Variants in ATP2C1 observed in about 807,000 individuals in gnomAD.
ATP2C1 encodes ATPase secretory pathway Ca2+ transporting 1.
Under a neutral mutation model 120.5 loss-of-function variants are expected in ATP2C1, and 31 were observed. That is an observed-to-expected ratio of 0.26 (90% CI 0.19 to 0.35). The LOEUF is 0.35. ATP2C1 is among the 10% of genes least tolerant of loss of function. The pLI is 1.00. For synonymous variants in ATP2C1, 351 were observed against 358.7 expected (o/e 0.98, Z 0.24); for missense variants, 731 against 1,107.5 (o/e 0.66, Z 4.83).
chr3:130,865,952 G>A (rs1306585598), intron 1 of ATP2C1, among the ~76,000 whole-genome samples: 6 of 151,882 alleles, frequency 4.0e-5, no homozygotes, highest in Non-Finnish European at 8.8e-5. Context: ...ATCATATATT[G>A]ACCTTTTTTG....
intron 2 of ATP2C1, among the ~76,000 whole-genome samples, chr3:130,924,435 A>G (rs936100234): frequency 6.6e-6 from 1 of 152,174 alleles, no homozygotes; most frequent in African/African-American, 2.4e-5. Context: ...TTTCTGCTGA[A>G]AGATACACTG....
intron 26 of ATP2C1, among the ~76,000 whole-genome samples, chr3:131,010,435 C>A (rs2063278389): frequency 6.6e-6 from 1 of 152,016 alleles, no homozygotes; most frequent in African/African-American, 2.4e-5. Flanking sequence ...ACCTCGTGAT[C>A]TGCCCACCTC....
Position 130,999,518 on chromosome 3 carries a change from A to G in ATP2C1, c.2488A>G (p.Thr830Ala). Reference protein sequence around the residue: ...MFNALSSRSQTKSVFEIGLCS... With the variant: ...MFNALSSRSQAKSVFEIGLCS... ...AATGAACTCTCTGCTCTGCCAACAG[A>G]CCAAGTCTGTGTTTGAGATTGGACT... is the stretch of plus-strand genomic sequence containing the variant. The change falls in exon 27 of 28, where the codon ACC (threonine) becomes GCC (alanine). Residue 830 changes from threonine (T) to alanine (A), a missense_variant and splice_region_variant. By Grantham distance (58) the Thr-to-Ala change is moderately conservative. Coordinates refer to ENST00000510168, the MANE Select transcript of ATP2C1 (RefSeq NM_001378687.1). The G allele has an allele frequency of 6.2e-7, 1 of 1,613,616 alleles. No individual in the cohort carries two copies. Among genetic ancestry groups the G allele is most frequent in the Non-Finnish European group, 8.5e-7 (1 of 1,179,712 alleles).
At chr3:130,906,897 T>C (rs993282533) in intron 2 of ATP2C1, among the ~76,000 whole-genome samples, 2 of 152,084 alleles carry the variant, frequency 1.3e-5, no homozygotes, top group Non-Finnish European at 2.9e-5. Flanking sequence ...CAGATCCAAG[T>C]ACCACAATGT....
intron 12 of ATP2C1, among the ~76,000 whole-genome samples, chr3:130,962,715 T>TAAAAAAAAAAAAAAAAAAAAA (rs71133621): frequency 5.3e-5 from 6 of 114,204 alleles, no homozygotes; most frequent in Non-Finnish European, 9.1e-5. Flanking sequence ...ATGGAAGCAT[T>TAAAAAAAAAAAAAAAAAAAAA]AAAAAAAAAA....
chr3:130,933,627 G>A (rs73201919), intron 4 of ATP2C1, among the ~76,000 whole-genome samples: 2 of 152,140 alleles, frequency 1.3e-5, no homozygotes, highest in African/African-American at 4.8e-5. Flanking sequence ...TTTTATTAGG[G>A]CAGTTTAACT....
intron 2 of ATP2C1, among the ~76,000 whole-genome samples, chr3:130,926,328 T>A (rs957706776): frequency 6.6e-6 from 1 of 152,142 alleles, no homozygotes; most frequent in Non-Finnish European, 1.5e-5. Context: ...ACCTACAAAG[T>A]TCAGGCATGG....
chr3:130,868,750 G>C (rs1455471751), intron 1 of ATP2C1: 2 of 73,468 alleles, frequency 2.7e-5, no homozygotes, highest in Non-Finnish European at 6.0e-5. Flanking sequence ...CGCCCCTACT[G>C]GGAAGTGAGG....
At chr3:130,863,807 C>T (rs1379286228) in intron 1 of ATP2C1, among the ~76,000 whole-genome samples, 1 of 152,176 alleles carries the variant, frequency 6.6e-6, no homozygotes, top group Non-Finnish European at 1.5e-5. Flanking sequence ...TTGCTGCTGC[C>T]ATGTAAGAAG....
chr3:130,954,905 C>A, intron 9 of ATP2C1, 107 bp from the exon 10 acceptor site: 1 of 783,130 alleles, frequency 1.3e-6, no homozygotes, highest in Non-Finnish European at 2.3e-6. Context: ...GTATGTTAGA[C>A]ATCTTCACTG....
Position 130,925,993 on chromosome 3 carries a change from AC to A in ATP2C1, c.7-4421del, listed in dbSNP as rs571334889. Among the ~76,000 whole-genome samples the A allele has an allele frequency of 3.3e-5, 5 of 152,164 alleles. No homozygotes were observed. In the South Asian group the frequency reaches 6.2e-4, roughly 19 times the overall value. ...ACTTCCATCATGCCTCCCCAACATC[AC>A]CAAGTCTTTTTCCAGGTAGCCGGTT... On this transcript the variant is annotated intron_variant, in intron 2 of 27. Coordinates refer to ENST00000510168, the MANE Select transcript of ATP2C1 (RefSeq NM_001378687.1).
intron 1 of ATP2C1, among the ~76,000 whole-genome samples, chr3:130,876,633 T>G (rs2068613196): frequency 6.6e-6 from 1 of 152,178 alleles, no homozygotes; most frequent in South Asian, 2.1e-4. Flanking sequence ...ATTTTAAGAC[T>G]GTTTTTTCTA....
At chr3:130,953,109 G>GTATA (rs1387346985) in intron 8 of ATP2C1, among the ~76,000 whole-genome samples, 4 of 146,610 alleles carry the variant, frequency 2.7e-5, no homozygotes, top group African/African-American at 1.1e-4. Context: ...ATGTATGTAT[G>GTATA]TATGTATATA....
At chr3:130,962,551 T>C (rs2685175) in intron 12 of ATP2C1, among the ~76,000 whole-genome samples, 21,422 of 151,598 alleles carry the variant, frequency 0.14, 1,743 homozygotes, top group Middle Eastern at 0.2. Context: ...AGTCCAGGAA[T>C]AGTTTTGGGT....
chr3:130,985,430 C>T (rs868763412), intron 20 of ATP2C1, among the ~76,000 whole-genome samples: 2 of 151,948 alleles, frequency 1.3e-5, no homozygotes, highest in Non-Finnish European at 2.9e-5. Context: ...GTCAGGATTT[C>T]GAGACCTGCC....
chr3:130,881,586 C>A (rs1035665311), intron 1 of ATP2C1, among the ~76,000 whole-genome samples: 1 of 152,120 alleles, frequency 6.6e-6, no homozygotes, highest in African/African-American at 2.4e-5. Flanking sequence ...ACTTCTATTT[C>A]TTTGAGGAAA....
intron 1 of ATP2C1, among the ~76,000 whole-genome samples, chr3:130,872,803 T>C (rs543547367): frequency 6.6e-6 from 1 of 152,238 alleles, no homozygotes; most frequent in South Asian, 2.1e-4. Context: ...CAGGCTAGTC[T>C]TGAACTCCTG....
chr3:131,016,476 A>C, exon 27 of ATP2C1: 3 of 949,314 alleles, frequency 3.2e-6, no homozygotes, highest in Non-Finnish European at 4.7e-6. Context: ...TTCTGGCTTC[A>C]TAAATGCCTT....
chr3:130,878,890 T>C (rs1325394714), intron 1 of ATP2C1, among the ~76,000 whole-genome samples: 1 of 152,218 alleles, frequency 6.6e-6, no homozygotes, highest in Admixed American at 6.5e-5. Flanking sequence ...TTGGAGATCT[T>C]TGAGCTTCCA....
Sources: allele counts gnomAD v4.1 joint callset (sites outside exome capture counted in the v4.1 genomes callset), GRCh38; gene constraint gnomAD v4.1.1; transcripts MANE v1.5; gene names NCBI Gene and HGNC (gene_info 2026-07-23, HGNC 2026-07-21).